Variants in GPR158 observed in about 807,000 individuals in gnomAD.
The protein encoded by GPR158 is G protein-coupled receptor 158, also known as metabotropic glycine receptor.
In GPR158, 30 loss-of-function variants were observed where a neutral mutation model predicts 78.2. That is an observed-to-expected ratio of 0.38 (90% CI 0.29 to 0.52). The LOEUF (loss-of-function observed/expected upper bound fraction) is 0.52. Ranked by LOEUF, GPR158 falls within the 20% of genes least tolerant of loss-of-function variation. The probability of loss-of-function intolerance (pLI) is 0.83; values close to 1 mark genes in which losing one functional copy is unlikely to be tolerated. For missense variants in GPR158, 1,463 were observed against 1,523.5 expected (o/e 0.96, Z 0.66); for synonymous variants, 581 against 591.1 (o/e 0.98, Z 0.25).
chr10:25,416,014 CAAT>C (rs1166665356), intron 4 of GPR158, among the ~76,000 whole-genome samples: 2 of 152,036 alleles, frequency 1.3e-5, no homozygotes, highest in South Asian at 2.1e-4. Flanking sequence ...TATTATATCT[CAAT>C]AAATCTATTA....
intron 2 of GPR158, among the ~76,000 whole-genome samples, chr10:25,262,416 A>G (rs992130072): frequency 1.3e-5 from 2 of 152,202 alleles, no homozygotes; most frequent in African/African-American, 2.4e-5. Context: ...ACTTCTTAGT[A>G]TCTAGGAAAG....
At chr10:25,418,053 T>C (rs1449355068) in intron 4 of GPR158, among the ~76,000 whole-genome samples, 1 of 152,132 alleles carries the variant, frequency 6.6e-6, no homozygotes, top group African/African-American at 2.4e-5. Flanking sequence ...AATAACAATG[T>C]CAAACCTAGC....
intron 5 of GPR158, among the ~76,000 whole-genome samples, chr10:25,547,204 T>A (rs1836672280): frequency 6.6e-6 from 1 of 152,108 alleles, no homozygotes; most frequent in Non-Finnish European, 1.5e-5. Context: ...CTCTCCCCTT[T>A]CCATAGCCCA....
chr10:25,355,332 A>C (rs1454464002), intron 2 of GPR158, among the ~76,000 whole-genome samples: 1 of 152,044 alleles, frequency 6.6e-6, no homozygotes, highest in Non-Finnish European at 1.5e-5. Context: ...TTTTCAGTTC[A>C]GCAAATGTAT....
chr10:25,471,099 C>A (rs1280382689), intron 5 of GPR158, among the ~76,000 whole-genome samples: 1 of 151,440 alleles, frequency 6.6e-6, no homozygotes, highest in East Asian at 1.9e-4. Context: ...CTAATGCTAT[C>A]CCTTGCCCCT....
At chr10:25,277,353 G>GA (rs921132388) in intron 2 of GPR158, among the ~76,000 whole-genome samples, 1 of 151,594 alleles carries the variant, frequency 6.6e-6, no homozygotes, top group Non-Finnish European at 1.5e-5. Flanking sequence ...GCTCCTATAG[G>GA]AAAAAAATGA....
intron 5 of GPR158, among the ~76,000 whole-genome samples, chr10:25,479,909 G>A (rs973801768): frequency 2.6e-5 from 4 of 151,258 alleles, no homozygotes; most frequent in African/African-American, 9.7e-5. Context: ...ATTTTATTTT[G>A]TGTGGTTTCC....
intron 5 of GPR158, among the ~76,000 whole-genome samples, chr10:25,515,074 G>A (rs78599287): frequency 0.019 from 2,860 of 152,040 alleles, 93 homozygotes; most frequent in African/African-American, 0.065. Context: ...TAACAAGGCT[G>A]GGGAAGTTTT....
Position 25,175,870 on chromosome 10 carries a change from G to T in GPR158, c.450G>T (p.Leu150Phe), listed in dbSNP as rs1422667248. 6.2e-7 allele frequency: 1 copy of T among 1,613,850 alleles called. No homozygotes were observed. Among genetic ancestry groups the T allele is most frequent in the Admixed American group, 1.7e-5 (1 of 60,036 alleles). ...LQSNKSREQN[L>F]QDDLDWYQAL... ...GCAATAAGTCGCGGGAGCAGAACTTGCAGGACGACCTGGATTGGTACCAGG... is the reference window on the plus strand; with the variant it reads ...GCAATAAGTCGCGGGAGCAGAACTTTCAGGACGACCTGGATTGGTACCAGG... Residue 150 changes from leucine (L) to phenylalanine (F), a missense_variant, in exon 1 of 11, where the codon TTG becomes TTT. Coordinates refer to ENST00000376351, the MANE Select transcript of GPR158 (RefSeq NM_020752.3). The surrounding 1 kb of genome is among the most constrained non-coding windows in gnomAD (Gnocchi z 6.4).
At chr10:25,556,825 C>T (rs17556478) in intron 6 of GPR158, among the ~76,000 whole-genome samples, 40,976 of 152,092 alleles carry the variant, frequency 0.27, 6,777 homozygotes, top group Non-Finnish European at 0.37. Flanking sequence ...TAACATGCTC[C>T]AGATGAATGC....
At chr10:25,340,956 AT>A (rs570429347) in intron 2 of GPR158, among the ~76,000 whole-genome samples, 23 of 151,758 alleles carry the variant, frequency 1.5e-4, no homozygotes, top group East Asian at 3.9e-4. Context: ...ACCAAATACA[AT>A]TTTTTTTTAA....
chr10:25,524,495 T>C (rs1268369628), intron 5 of GPR158, among the ~76,000 whole-genome samples: 5 of 152,208 alleles, frequency 3.3e-5, no homozygotes, highest in Non-Finnish European at 7.4e-5. Context: ...ATCTTTCCAT[T>C]TGTGGTCAAT....
chr10:25,326,178 A>G (rs986181035), intron 2 of GPR158, among the ~76,000 whole-genome samples: 1 of 152,142 alleles, frequency 6.6e-6, no homozygotes, highest in Non-Finnish European at 1.5e-5. Flanking sequence ...GCGACCATTT[A>G]TAAGTGAATA....
chr10:25,487,435 C>T (rs988107701), intron 5 of GPR158, among the ~76,000 whole-genome samples: 6 of 152,106 alleles, frequency 3.9e-5, no homozygotes, highest in Admixed American at 2.6e-4. Context: ...AATACCAGGC[C>T]CTCATTCCCA....
intron 2 of GPR158, among the ~76,000 whole-genome samples, chr10:25,378,018 A>G (rs1176491460): frequency 6.6e-6 from 1 of 152,106 alleles, no homozygotes; most frequent in African/African-American, 2.4e-5. Context: ...GTTTCTCTGT[A>G]TCCTTGCCAA....
At chr10:25,403,362 C>G (rs983498816) in intron 3 of GPR158, among the ~76,000 whole-genome samples, 3 of 151,972 alleles carry the variant, frequency 2.0e-5, no homozygotes, top group African/African-American at 7.2e-5. Context: ...TTAGATTCCT[C>G]AGATGGCCTG....
At chr10:25,196,618 C>T (rs1852848314) in intron 1 of GPR158, among the ~76,000 whole-genome samples, 1 of 152,200 alleles carries the variant, frequency 6.6e-6, no homozygotes, top group African/African-American at 2.4e-5. Context: ...TCTGCCTTGA[C>T]TATTGGGCTT....
chr10:25,321,646 T>C lies in GPR158; in HGVS notation c.1009-74265T>C, dbSNP rs868434179. ...ATGCTTATATAACCCTCCTTTAAAA[T>C]AAACAAACAAACAAACAAACAAACA... On this transcript the variant is annotated intron_variant, in intron 2 of 10. Coordinates refer to ENST00000376351, the MANE Select transcript of GPR158 (RefSeq NM_020752.3). 1.0e-4 allele frequency among the ~76,000 whole-genome samples: 15 copies of C among 150,076 alleles called. No individual in the cohort carries two copies. The East Asian group carries it at 1.2e-3, about 12-fold the overall frequency.
At chr10:25,585,128 G>A (rs1275295038) in intron 7 of GPR158, among the ~76,000 whole-genome samples, 2 of 152,126 alleles carry the variant, frequency 1.3e-5, no homozygotes, top group Non-Finnish European at 1.5e-5. Context: ...TTTAGTTTCT[G>A]TTTGTATGCC....
Sources: gnomAD v4.1 joint callset for allele counts (sites outside exome capture counted in the v4.1 genomes callset) on GRCh38, gnomAD v4.1.1 for gene constraint, Gnocchi (gnomAD v3.1) non-coding constraint, MANE v1.5 for transcripts, NCBI Gene and HGNC (gene_info 2026-07-23, HGNC 2026-07-21) for gene names.